The following NCOR2 variants were observed in gnomAD, a reference collection of about 807,000 sequenced individuals.
NCOR2 encodes CTG repeat protein 26.
Under a neutral mutation model 262.9 loss-of-function variants are expected in NCOR2, and 81 were observed. The observed-to-expected ratio is 0.31, with a 90% CI of 0.26 to 0.37. The LOEUF is 0.37. Among genes scored for constraint, NCOR2 ranks in the 10% least tolerant of loss-of-function variants. The pLI is 1.00. For synonymous variants in NCOR2, 1,659 were observed against 1,559.3 expected, an observed-to-expected ratio of 1.06 and a Z score of -1.51; for missense variants, 3,385 against 3,621.4, an observed-to-expected ratio of 0.93 and a Z score of 1.68.
chr12:124,522,211 GA>G (rs2050228458), intron 1 of NCOR2, among the ~76,000 whole-genome samples: 1 of 152,168 alleles, frequency 6.6e-6, no homozygotes, highest in African/African-American at 2.4e-5. Context: ...ATATGGCAGT[GA>G]ACAAGACAAA....
chr12:124,470,002 C>T (rs752375471), intron 4 of NCOR2, among the ~76,000 whole-genome samples: 124 of 151,958 alleles, frequency 8.2e-4, no homozygotes, highest in Middle Eastern at 3.4e-3. Flanking sequence ...CCCATCTCTA[C>T]AAAAAACACA....
At chr12:124,335,555 T>G in exon 39 of NCOR2, 1 of 1,609,582 alleles carries the variant, frequency 6.2e-7, no homozygotes, top group Non-Finnish European at 8.5e-7. Flanking sequence ...GGGAGCCCCT[T>G]GTCGTGGGTC....
chr12:124,491,095 G>A (rs1319666708), intron 1 of NCOR2, among the ~76,000 whole-genome samples: 1 of 152,248 alleles, frequency 6.6e-6, no homozygotes, highest in East Asian at 1.9e-4. Flanking sequence ...CACCCTGGCT[G>A]AGCTGCTTTC....
chr12:124,365,228 T>G (rs1410973486), intron 20 of NCOR2, among the ~76,000 whole-genome samples: 1 of 152,326 alleles, frequency 6.6e-6, no homozygotes, highest in East Asian at 1.9e-4. Flanking sequence ...AGGGCAAAAC[T>G]TCTGGGTGCC....
At chr12:124,449,516 A>G (rs2045391136) in intron 7 of NCOR2, among the ~76,000 whole-genome samples, 1 of 152,164 alleles carries the variant, frequency 6.6e-6, no homozygotes, top group South Asian at 2.1e-4. Context: ...ATGCAGATGT[A>G]CAGCCTGGGA....
Position 124,443,263 on chromosome 12 carries a change from C to T in NCOR2, c.816-5267G>A, listed in dbSNP as rs1411454044. On this transcript the variant is annotated intron_variant, in intron 7 of 46. Coordinates refer to ENST00000405201, the Ensembl canonical transcript of NCOR2. This position sits in a 1 kb window ranked among gnomAD's most constrained non-coding sequence, Gnocchi z 4.4. ...CGGGGTGGTGGTGATGTGCATGCAGCCGTCTGTTTGCCACCGATGGGCAGC... is the reference window on the plus strand; with the variant it reads ...CGGGGTGGTGGTGATGTGCATGCAGTCGTCTGTTTGCCACCGATGGGCAGC... 6.6e-6 allele frequency among the ~76,000 whole-genome samples: 1 copy of T among 152,184 alleles called. No homozygotes were observed. The highest frequency in any genetic ancestry group is 2.4e-5 in the African/African-American group (1 of 41,442).
chr12:124,532,883 C>T (rs2050891602), intron 1 of NCOR2, among the ~76,000 whole-genome samples: 1 of 150,262 alleles, frequency 6.7e-6, no homozygotes, highest in African/African-American at 2.5e-5. Context: ...CCCCCACCTC[C>T]AAATCCCACT....
chr12:124,375,256 G>A (rs1166434608), intron 18 of NCOR2, among the ~76,000 whole-genome samples: 2 of 152,172 alleles, frequency 1.3e-5, no homozygotes, highest in Non-Finnish European at 2.9e-5. Flanking sequence ...CAGGACGTTG[G>A]GAGGCCAACG....
At chr12:124,348,373 G>A (rs2037120274) in intron 28 of NCOR2, 59 bp from the exon 31 acceptor site, 11 of 1,541,184 alleles carry the variant, frequency 7.1e-6, no homozygotes, top group Non-Finnish European at 8.7e-6. Flanking sequence ...ACCACGGTGG[G>A]CAGGCAGGAC....
At chr12:124,448,092 A>G (rs55856606) in intron 7 of NCOR2, among the ~76,000 whole-genome samples, 15,772 of 152,290 alleles carry the variant, frequency 0.1, 965 homozygotes, top group East Asian at 0.18. Flanking sequence ...CCAAGGCTGA[A>G]TAGCCAAGGC....
chr12:124,348,307 C>T (rs2037113797), exon 29 of NCOR2: 1 of 1,607,162 alleles, frequency 6.2e-7, no homozygotes, highest in Admixed American at 1.7e-5. Flanking sequence ...GGGTCACAGA[C>T]ATGCCACCTG....
chr12:124,350,227 C>A (rs572926214), intron 28 of NCOR2, among the ~76,000 whole-genome samples: 16 of 152,292 alleles, frequency 1.1e-4, no homozygotes, highest in South Asian at 8.3e-4. Flanking sequence ...GGGCGAGGGG[C>A]ACTCTGGCCA....
intron 12 of NCOR2, among the ~76,000 whole-genome samples, chr12:124,420,929 C>T (rs1466607125): frequency 1.3e-5 from 2 of 152,242 alleles, no homozygotes; most frequent in Admixed American, 1.3e-4. Flanking sequence ...GTACGACCGC[C>T]AGGGGGGCTC....
chr12:124,341,753 C>T, intron 34 of NCOR2, 70 bp downstream of exon 36: 1 of 1,537,796 alleles, frequency 6.5e-7, no homozygotes, highest in East Asian at 2.3e-5. Context: ...TCCGCGAGGC[C>T]ACAGGGGCAC....
intron 4 of NCOR2, among the ~76,000 whole-genome samples, chr12:124,471,343 CTAGA>C (rs1001029044): frequency 1.3e-5 from 2 of 152,202 alleles, no homozygotes; most frequent in African/African-American, 4.8e-5. Flanking sequence ...CTGGAGGGCA[CTAGA>C]TATGAGCCTG....
At chr12:124,472,271 T>A (rs1565974961) in intron 4 of NCOR2, among the ~76,000 whole-genome samples, 1 of 152,234 alleles carries the variant, frequency 6.6e-6, no homozygotes. Context: ...ATGAATGTTA[T>A]AAATATTTAT....
intron 1 of NCOR2, among the ~76,000 whole-genome samples, chr12:124,547,141 C>T (rs1409256812): frequency 6.6e-6 from 1 of 152,086 alleles, no homozygotes; most frequent in Non-Finnish European, 1.5e-5. Context: ...AGGCACTCGC[C>T]ACCACGACTG....
At chr12:124,336,684 C>T in intron 38 of NCOR2, 69 bp downstream of exon 40, 1 of 1,582,194 alleles carries the variant, frequency 6.3e-7, no homozygotes, top group Admixed American at 1.8e-5. Flanking sequence ...TCTCGCGCCC[C>T]TTTATCGTGA....
chr12:124,541,933 T>G (rs1328134965), intron 1 of NCOR2, among the ~76,000 whole-genome samples: 35 of 34,280 alleles, frequency 1.0e-3, no homozygotes, highest in Admixed American at 1.6e-3. Context: ...GGATGGGGAG[T>G]GGAGAGCTGG....
Sources: allele counts gnomAD v4.1 joint callset (sites outside exome capture counted in the v4.1 genomes callset), GRCh38; gene constraint gnomAD v4.1.1; non-coding constraint Gnocchi (gnomAD v3.1); transcripts MANE v1.5; gene names NCBI Gene and HGNC (gene_info 2026-07-23, HGNC 2026-07-21).